MALRD1: variants seen among roughly 807,000 people sequenced by gnomAD.
The protein encoded by MALRD1 is MAM and LDL receptor class A domain containing 1.
Under a neutral mutation model 242.1 loss-of-function variants are expected in MALRD1, and 247 were observed. That is an observed-to-expected ratio of 1.02 (90% CI 0.92 to 1.13). MALRD1 has a LOEUF of 1.13. Among genes scored for constraint, MALRD1 ranks in the 50% most tolerant of loss-of-function variants. The pLI is 0.00. For missense variants in MALRD1, 2,989 were observed against 2,533.1 expected (o/e 1.18, Z -3.86); for synonymous variants, 995 against 866.6 (o/e 1.15, Z -2.60).
rs1295162699 is a variant in MALRD1 at position 19,327,640 on chromosome 10, A to G, written c.3654A>G (p.Ala1218=). The change falls in exon 23 of 40, where the codon GCA becomes GCG. Residue 1218 remains alanine (A), a synonymous_variant. Transcript: ENST00000454679. ...TGQQGAQWKR[A]EVFLGIRSHT... Reference sequence around the variant, plus strand: ...AGCAAGGTGCACAGTGGAAGAGAGCAGAAGTGTTTTTAGGCATTCGTTCAC... The same window carrying G: ...AGCAAGGTGCACAGTGGAAGAGAGCGGAAGTGTTTTTAGGCATTCGTTCAC... 1.9e-6 allele frequency: 3 copies of G among 1,549,830 alleles called. No homozygotes were observed. Among genetic ancestry groups the G allele is most frequent in the Non-Finnish European group, 1.7e-6 (2 of 1,146,378 alleles).
intron 2 of MALRD1, among the ~76,000 whole-genome samples, chr10:19,068,506 T>C (rs756761147): frequency 1.3e-5 from 2 of 152,094 alleles, no homozygotes; most frequent in Admixed American, 1.3e-4. Flanking sequence ...AGTTTCCTTA[T>C]CTGTAAAACA....
chr10:19,462,163 C>A (rs1835977546), intron 29 of MALRD1, among the ~76,000 whole-genome samples: 1 of 152,180 alleles, frequency 6.6e-6, no homozygotes, highest in Non-Finnish European at 1.5e-5. Flanking sequence ...TATTCTGATG[C>A]TTCCTAGCAA....
At chr10:19,578,561 G>T (rs1054254653) in intron 33 of MALRD1, among the ~76,000 whole-genome samples, 1 of 152,070 alleles carries the variant, frequency 6.6e-6, no homozygotes, top group Non-Finnish European at 1.5e-5. Context: ...ATGTGGTGGC[G>T]CATGCCTGTA....
At chr10:19,613,996 A>G (rs1839021374) in intron 35 of MALRD1, among the ~76,000 whole-genome samples, 1 of 151,954 alleles carries the variant, frequency 6.6e-6, no homozygotes, top group Non-Finnish European at 1.5e-5. Flanking sequence ...ATCCATCCCA[A>G]TAGAGTAATT....
Position 19,450,457 on chromosome 10 carries a change from A to T in MALRD1, c.4996A>T (p.Ile1666Phe). ...RTRDLGGGAA[I>F]DDIEFKNCTT... is the part of the protein sequence containing the mutation. ...AAGGGACCTGGGAGGAGGAGCTGCA[A>T]TTGATGATATTGAATTTAAAAACTG... The change falls in exon 29 of 40, where the codon ATT (isoleucine) becomes TTT (phenylalanine). Residue 1666 changes from isoleucine to phenylalanine, a missense_variant. Ile to Phe is a conservative substitution (Grantham distance 21). Transcript: ENST00000454679. 1 of 1,549,696 alleles carries T rather than the reference A, an allele frequency of 6.5e-7. No individual in the cohort carries two copies. Among genetic ancestry groups the T allele is most frequent in the Non-Finnish European group, 8.7e-7 (1 of 1,146,704 alleles).
chr10:19,445,084 C>T (rs1021216828), intron 28 of MALRD1, among the ~76,000 whole-genome samples: 1 of 152,168 alleles, frequency 6.6e-6, no homozygotes, highest in South Asian at 2.1e-4. Flanking sequence ...ACCCTTTCTT[C>T]CAGTTGATTG....
chr10:19,542,138 A>T (rs941555841), intron 32 of MALRD1, among the ~76,000 whole-genome samples: 4 of 152,212 alleles, frequency 2.6e-5, no homozygotes, highest in African/African-American at 9.6e-5. Flanking sequence ...GGGAATTTGC[A>T]AAAGAAGGTC....
At chr10:19,624,939 C>T (rs1839580777) in intron 36 of MALRD1, among the ~76,000 whole-genome samples, 1 of 150,026 alleles carries the variant, frequency 6.7e-6, no homozygotes, top group Non-Finnish European at 1.5e-5. Context: ...CAGTGGCTCA[C>T]ACCTGTAATC....
At chr10:19,573,128 G>T (rs997411643) in intron 33 of MALRD1, among the ~76,000 whole-genome samples, 1 of 152,140 alleles carries the variant, frequency 6.6e-6, no homozygotes, top group Non-Finnish European at 1.5e-5. Flanking sequence ...TCTGGGAAGG[G>T]ACCCCACTGA....
chr10:19,220,561 A>T (rs555922129), intron 18 of MALRD1, among the ~76,000 whole-genome samples: 1 of 152,158 alleles, frequency 6.6e-6, no homozygotes, highest in Non-Finnish European at 1.5e-5. Flanking sequence ...ATCGCAGAAC[A>T]TTGATTTTTT....
intron 31 of MALRD1, among the ~76,000 whole-genome samples, chr10:19,514,591 C>T (rs975836604): frequency 3.3e-5 from 5 of 152,060 alleles, no homozygotes; most frequent in African/African-American, 1.2e-4. Context: ...TGAAACAATG[C>T]TTACTCATTT....
chr10:19,713,862 G>A (rs746259129), intron 38 of MALRD1, among the ~76,000 whole-genome samples: 4 of 152,206 alleles, frequency 2.6e-5, no homozygotes, highest in Middle Eastern at 3.2e-3. Context: ...AAATCCAAGA[G>A]TTAAGAAAAA....
chr10:19,047,019 A>G (rs116402617), upstream of MALRD1, among the ~76,000 whole-genome samples: 801 of 152,268 alleles, frequency 5.3e-3, 10 homozygotes, highest in African/African-American at 0.018. Context: ...AGAGTATGAC[A>G]GTTCTACTGA....
At chr10:19,443,048 A>G (rs1235803020) in intron 28 of MALRD1, among the ~76,000 whole-genome samples, 1 of 152,094 alleles carries the variant, frequency 6.6e-6, no homozygotes, top group Admixed American at 6.5e-5. Context: ...TTAGTCTGGG[A>G]GAGTGTATGT....
intron 36 of MALRD1, among the ~76,000 whole-genome samples, chr10:19,686,448 A>G (rs1842585248): frequency 6.6e-6 from 1 of 152,174 alleles, no homozygotes; most frequent in Non-Finnish European, 1.5e-5. Context: ...GAGGAAGGTC[A>G]TATACCAGTT....
intron 32 of MALRD1, among the ~76,000 whole-genome samples, chr10:19,552,300 C>G (rs918481335): frequency 6.6e-6 from 1 of 151,766 alleles, no homozygotes; most frequent in Non-Finnish European, 1.5e-5. Flanking sequence ...GATTCAATTT[C>G]AGGGTGTATA....
intron 18 of MALRD1, among the ~76,000 whole-genome samples, chr10:19,227,510 A>T (rs966701680): frequency 6.6e-6 from 1 of 152,134 alleles, no homozygotes; most frequent in Non-Finnish European, 1.5e-5. Flanking sequence ...TATAAAAAGT[A>T]TAAAGCTTAC....
intron 36 of MALRD1, among the ~76,000 whole-genome samples, chr10:19,679,833 G>A (rs1842293012): frequency 6.6e-6 from 1 of 152,098 alleles, no homozygotes; most frequent in African/African-American, 2.4e-5. Flanking sequence ...CTGTGTCCCA[G>A]AGATTCTGGT....
intron 29 of MALRD1, among the ~76,000 whole-genome samples, chr10:19,474,730 A>G (rs1457023471): frequency 1.3e-5 from 2 of 152,042 alleles, no homozygotes; most frequent in Non-Finnish European, 2.9e-5. Flanking sequence ...CCAAGGATGA[A>G]AACAACAACA....
Sources: allele counts gnomAD v4.1 joint callset (sites outside exome capture counted in the v4.1 genomes callset), GRCh38; gene constraint gnomAD v4.1.1; transcripts MANE v1.5; gene names NCBI Gene and HGNC (gene_info 2026-07-23, HGNC 2026-07-21).